The following FBXO40 variants were observed in gnomAD, a reference collection of about 807,000 sequenced individuals.
FBXO40 encodes F-box only protein 40.
FBXO40 carries 50 observed loss-of-function variants against 49.9 expected under a neutral mutation model. The observed-to-expected ratio is 1.00, with a 90% confidence interval of 0.80 to 1.27. FBXO40 has a LOEUF of 1.27. Among genes scored for constraint, FBXO40 ranks in the 50% most tolerant of loss-of-function variants. FBXO40 has a pLI of 0.00. For missense variants in FBXO40, 895 were observed against 870.1 expected (o/e 1.03, Z -0.36); for synonymous variants, 340 against 320.2 (o/e 1.06, Z -0.66).
At chr3:121,599,744 A>T (rs1350194230) in intron 1 of FBXO40, among the ~76,000 whole-genome samples, 7 of 133,688 alleles carry the variant, frequency 5.2e-5, no homozygotes, top group African/African-American at 2.0e-4. Flanking sequence ...TTTTTTGGAG[A>T]CGGAGTCTCA....
intron 1 of FBXO40, among the ~76,000 whole-genome samples, chr3:121,607,870 CATAA>C (rs1395715157): frequency 1.3e-5 from 2 of 152,114 alleles, no homozygotes. Context: ...AAAATTTTCC[CATAA>C]ATAAATAAGA....
intron 1 of FBXO40, among the ~76,000 whole-genome samples, chr3:121,615,200 C>CA (rs11448457): frequency 0.8 from 55,708 of 69,378 alleles, 22,524 homozygotes; most frequent in East Asian, 0.91. Flanking sequence ...GAGAGCATCT[C>CA]AAAAAAAAAA....
At chr3:121,625,497 G>A (rs1019751517) in intron 3 of FBXO40, among the ~76,000 whole-genome samples, 2 of 152,254 alleles carry the variant, frequency 1.3e-5, no homozygotes, top group South Asian at 2.1e-4. Context: ...TTGTATATGT[G>A]CCTGCATTCA....
chr3:121,609,142 T>C (rs2048950693), intron 1 of FBXO40, among the ~76,000 whole-genome samples: 1 of 152,098 alleles, frequency 6.6e-6, no homozygotes, highest in South Asian at 2.1e-4. Flanking sequence ...ATTCTGAGGC[T>C]ATTGCTTGGG....
chr3:121,593,799 G>A (rs907158623), intron 1 of FBXO40, among the ~76,000 whole-genome samples: 7 of 152,034 alleles, frequency 4.6e-5, no homozygotes, highest in African/African-American at 1.7e-4. Flanking sequence ...GTGATGGGTG[G>A]GGGGATCTGG....
At position 121,626,989 on chromosome 3, in the gene FBXO40, A is replaced by C. The variant is rs1249359084; in HGVS notation, c.*79A>C. 2.3e-5 allele frequency: 31 copies of C among 1,377,364 alleles called. No homozygotes were observed. The highest frequency in any genetic ancestry group is 3.0e-5 in the Non-Finnish European group (29 of 979,126). 85.3% of individuals were successfully genotyped at this position (1,377,364 alleles called of 1,614,324 possible). Reference sequence around the variant, plus strand: ...AAGTAGGACAGAGTGTGTGGTTTTGAGGACTCCCTTCTGTAAACTGCCTAT... The same window carrying C: ...AAGTAGGACAGAGTGTGTGGTTTTGCGGACTCCCTTCTGTAAACTGCCTAT... On this transcript the variant is annotated 3_prime_UTR_variant, in exon 4 of 4. Transcript: ENST00000338040.
intron 1 of FBXO40, among the ~76,000 whole-genome samples, chr3:121,616,680 G>A (rs886133563): frequency 3.9e-5 from 6 of 152,190 alleles, no homozygotes; most frequent in Non-Finnish European, 8.8e-5. Flanking sequence ...TTACTGGCAA[G>A]TAGTAGTAGG....
intron 1 of FBXO40, among the ~76,000 whole-genome samples, chr3:121,617,655 A>G (rs2049005673): frequency 6.6e-6 from 1 of 152,132 alleles, no homozygotes; most frequent in Non-Finnish European, 1.5e-5. Flanking sequence ...CTAGTATTTG[A>G]TAATACAGTA....
At chr3:121,601,036 C>A (rs979132736) in intron 1 of FBXO40, among the ~76,000 whole-genome samples, 1 of 152,278 alleles carries the variant, frequency 6.6e-6, no homozygotes, top group Admixed American at 6.5e-5. Context: ...TTAAGGTGAT[C>A]AATCAACTGT....
Position 121,623,030 on chromosome 3 carries a change from T to C in FBXO40, c.1601T>C (p.Val534Ala), listed in dbSNP as rs2049042892. 4 of 1,614,042 alleles carry C rather than the reference T, an allele frequency of 2.5e-6. No homozygotes were observed. Among genetic ancestry groups the C allele is most frequent in the Admixed American group, 3.3e-5 (2 of 60,010 alleles). Residue 534 changes from valine to alanine, a missense_variant, in exon 3 of 4, where the codon GTA becomes GCA. By Grantham distance (64) the Val-to-Ala change is moderately conservative. Coordinates refer to ENST00000338040, the MANE Select transcript of FBXO40 (RefSeq NM_016298.4). ...CGTCCCCCAGGGCAAAAGGCAAAAG[T>C]AATCTATAGCCAGGAGCTCAAGACC... ...HFRPPGQKAK[V>A]IYSQELKTFA...
chr3:121,617,319 G>A (rs2049002562), intron 1 of FBXO40, among the ~76,000 whole-genome samples: 1 of 152,092 alleles, frequency 6.6e-6, no homozygotes, highest in African/African-American at 2.4e-5. Flanking sequence ...TTTTGGGCCG[G>A]GCACAGTGGC....
At chr3:121,613,136 A>C (rs2048976655) in intron 1 of FBXO40, among the ~76,000 whole-genome samples, 1 of 151,994 alleles carries the variant, frequency 6.6e-6, no homozygotes, top group Admixed American at 6.6e-5. Flanking sequence ...CTAATAGGTT[A>C]AAATGCACCC....
intron 1 of FBXO40, among the ~76,000 whole-genome samples, chr3:121,594,414 TG>T (rs2108842518): frequency 6.6e-6 from 1 of 152,280 alleles, no homozygotes; most frequent in African/African-American, 2.4e-5. Flanking sequence ...TTGGCCAGGC[TG>T]GTCTTGAACT....
At chr3:121,608,794 T>C (rs2048949353) in intron 1 of FBXO40, among the ~76,000 whole-genome samples, 1 of 152,152 alleles carries the variant, frequency 6.6e-6, no homozygotes, top group African/African-American at 2.4e-5. Context: ...TCGAGTTGCT[T>C]AGAAAAATAG....
chr3:121,609,951 A>G (rs747886590), intron 1 of FBXO40, among the ~76,000 whole-genome samples: 7 of 152,210 alleles, frequency 4.6e-5, no homozygotes, highest in Non-Finnish European at 1.0e-4. Context: ...TCTCCTCCAG[A>G]GCAATGGCTA....
intron 3 of FBXO40, among the ~76,000 whole-genome samples, chr3:121,624,498 G>C (rs2049051542): frequency 2.0e-5 from 3 of 152,138 alleles, no homozygotes; most frequent in Admixed American, 6.5e-5. Context: ...TCTCCACCCT[G>C]TCTGTCCCCC....
At chr3:121,599,244 G>A (rs982552533) in intron 1 of FBXO40, among the ~76,000 whole-genome samples, 1 of 152,104 alleles carries the variant, frequency 6.6e-6, no homozygotes, top group African/African-American at 2.4e-5. Context: ...GAGGTGGGCG[G>A]ATCACCTGAG....
At position 121,622,846 on chromosome 3, in the gene FBXO40, T is replaced by C; in HGVS notation, c.1417T>C (p.Ser473Pro). Residue 473 changes from serine (S) to proline (P), a missense_variant, in exon 3 of 4, where the codon TCT becomes CCT. Ser to Pro is a moderately conservative substitution (Grantham distance 74). Transcript: ENST00000338040. ...CVTRRHNKSS[S>P]AFTFTCNKFF... ...GACCAGGAGACACAACAAAAGCAGC[T>C]CTGCCTTCACTTTCACTTGCAACAA... 1 of 1,614,204 alleles carries C rather than the reference T, an allele frequency of 6.2e-7. No individual in the cohort carries two copies.
chr3:121,619,220 A>G (rs1256317626), intron 1 of FBXO40, among the ~76,000 whole-genome samples: 2 of 151,394 alleles, frequency 1.3e-5, no homozygotes, highest in Admixed American at 1.3e-4. Flanking sequence ...TGTTTCTCAG[A>G]CTGGTCTTGA....
Sources: gnomAD v4.1 joint callset for allele counts (sites outside exome capture counted in the v4.1 genomes callset) on GRCh38, gnomAD v4.1.1 for gene constraint, MANE v1.5 for transcripts, NCBI Gene and HGNC (gene_info 2026-07-23, HGNC 2026-07-21) for gene names.